The following LAMA3 variants were observed in gnomAD, a reference collection of about 807,000 sequenced individuals.
LAMA3 encodes laminin subunit alpha 3, also known as laminin subunit alpha-3.
In LAMA3, 281 loss-of-function variants were observed where a neutral mutation model predicts 402.0. That is an observed-to-expected ratio of 0.70 (90% CI 0.63 to 0.77). The LOEUF is 0.77. Among genes scored for constraint, LAMA3 ranks in the 30% least tolerant of loss-of-function variants. The probability of loss-of-function intolerance (pLI) is 0.00; values close to 1 mark genes in which losing one functional copy is unlikely to be tolerated. For synonymous variants in LAMA3, 1,431 were observed against 1,558.4 expected, an observed-to-expected ratio of 0.92 and a Z score of 1.93; for missense variants, 3,840 against 4,215.5, an observed-to-expected ratio of 0.91 and a Z score of 2.47.
At chr18:23,717,440 G>A (rs2061121156) in intron 2 of LAMA3, among the ~76,000 whole-genome samples, 1 of 150,966 alleles carries the variant, frequency 6.6e-6, no homozygotes, top group Non-Finnish European at 1.5e-5. Flanking sequence ...AGCTTATGCT[G>A]TTGTGAGGGT....
intron 48 of LAMA3, among the ~76,000 whole-genome samples, chr18:23,901,711 C>T (rs1250831289): frequency 2.6e-5 from 4 of 152,160 alleles, no homozygotes; most frequent in Non-Finnish European, 5.9e-5. Context: ...ACATAATTAT[C>T]ATAATCACCA....
chr18:23,766,275 A>G (rs535600677), intron 8 of LAMA3, among the ~76,000 whole-genome samples: 1 of 152,338 alleles, frequency 6.6e-6, no homozygotes, highest in Admixed American at 6.5e-5. Flanking sequence ...CAGAAGGAAT[A>G]GTATCTTTAA....
In LAMA3 at chr18:23,931,080, A is replaced by C; in HGVS notation, c.8455A>C (p.Thr2819Pro). 6.2e-7 allele frequency: 1 copy of C among 1,613,820 alleles called. No homozygotes were observed. The highest frequency in any genetic ancestry group is 8.5e-7 in the Non-Finnish European group (1 of 1,179,726). ...HQTWTRNLQV[T>P]LEDGYIELST... ...ATTTCAGACAAGGAACCTGCAGGTC[A>C]CTCTGGAAGATGGTTACATTGAATT... The change falls in exon 65 of 75, where the codon ACT becomes CCT. Residue 2819 changes from threonine (T) to proline (P), a missense_variant. By Grantham distance (38) the Thr-to-Pro change is conservative. This residue lies in a region of LAMA3 where 840 missense variants were observed against 981.9 expected (regional missense o/e 0.86). Coordinates refer to ENST00000313654, the MANE Select transcript of LAMA3 (RefSeq NM_198129.4).
chr18:23,903,075 T>A lies in LAMA3; in HGVS notation c.6268T>A (p.Ser2090Thr). The change falls in exon 49 of 75, where the codon TCT becomes ACT. Residue 2090 changes from serine to threonine, a missense_variant. Ser to Thr is a moderately conservative substitution (Grantham distance 58). Coordinates refer to ENST00000313654, the MANE Select transcript of LAMA3 (RefSeq NM_198129.4). ...CAAGTATCTAACCACTGCAGACTCATCTTTGTTGCAAACCAACATTGCGCT... is the reference window on the plus strand; with the variant it reads ...CAAGTATCTAACCACTGCAGACTCAACTTTGTTGCAAACCAACATTGCGCT... ...FTKYLTTADS[S>T]LLQTNIALQL... 6.2e-7 allele frequency: 1 copy of A among 1,613,478 alleles called. No individual in the cohort carries two copies.
At position 23,738,358 on chromosome 18, in the gene LAMA3, C is replaced by T. The variant is rs543266079; in HGVS notation, c.448-9585C>T. Among the ~76,000 whole-genome samples, 15 of 152,010 alleles carry T rather than the reference C, an allele frequency of 9.9e-5. No homozygotes were observed. In the South Asian group the frequency reaches 2.5e-3, roughly 25 times the overall value. ...GATTGGCTTTTGACAGGAGGAGGTT[C>T]CTCCCTCCCTCCTTCTGGAGAGAAG... is the stretch of plus-strand genomic sequence containing the variant. On this transcript the variant is annotated intron_variant, in intron 2 of 74. Coordinates refer to ENST00000313654, the MANE Select transcript of LAMA3 (RefSeq NM_198129.4).
intron 73 of LAMA3, 82 bp downstream of exon 73, chr18:23,951,859 C>T (rs2082926735): frequency 1.9e-6 from 2 of 1,072,618 alleles, no homozygotes; most frequent in Admixed American, 3.9e-5. Flanking sequence ...AAGGCAGCCT[C>T]AGCCCCTCCA....
intron 56 of LAMA3, among the ~76,000 whole-genome samples, chr18:23,913,861 G>T (rs754070607): frequency 6.6e-6 from 1 of 152,110 alleles, no homozygotes; most frequent in Non-Finnish European, 1.5e-5. Context: ...ATTTATTCTC[G>T]AATGTACTTA....
At chr18:23,813,205 C>G in intron 14 of LAMA3, 102 bp downstream of exon 14, 1 of 819,216 alleles carries the variant, frequency 1.2e-6, no homozygotes, top group South Asian at 1.5e-5. Context: ...AAATAAGACC[C>G]AAGGCTAAAT....
chr18:23,743,515 G>A (rs2061599004), intron 2 of LAMA3, among the ~76,000 whole-genome samples: 1 of 152,148 alleles, frequency 6.6e-6, no homozygotes, highest in Non-Finnish European at 1.5e-5. Context: ...GGAAGGCCCT[G>A]AAATGAATAG....
chr18:23,788,660 A>G (rs2062592964), intron 12 of LAMA3, among the ~76,000 whole-genome samples: 1 of 151,946 alleles, frequency 6.6e-6, no homozygotes, highest in Non-Finnish European at 1.5e-5. Context: ...AAAACTATAA[A>G]TCTCTTAGAA....
chr18:23,798,315 G>A (rs577234236), intron 12 of LAMA3, among the ~76,000 whole-genome samples: 91 of 152,296 alleles, frequency 6.0e-4, no homozygotes, highest in African/African-American at 2.2e-3. Context: ...CCACCGACAT[G>A]ACCTGACCCA....
At chr18:23,950,263 G>A in intron 72 of LAMA3, 104 bp downstream of exon 72, 1 of 1,293,746 alleles carries the variant, frequency 7.7e-7, no homozygotes, top group Non-Finnish European at 1.1e-6. Context: ...ATCCAATCTT[G>A]TATTTAAGAG....
At position 23,907,885 on chromosome 18, in the gene LAMA3, G is replaced by A. The variant is rs769942150; in HGVS notation, c.6965G>A (p.Arg2322Lys). ...GAAAGAATTAAGGACACCTATGGGA[G>A]GACACAGAACGAAGACTTCAAAAAG... ...DVERIKDTYG[R>K]TQNEDFKKAL... is the part of the protein sequence containing the mutation. The change falls in exon 54 of 75, where the codon AGG (arginine) becomes AAG (lysine). Residue 2322 changes from arginine (R) to lysine (K), a missense_variant. Coordinates refer to ENST00000313654, the MANE Select transcript of LAMA3 (RefSeq NM_198129.4). 2 of 1,614,112 alleles carry A rather than the reference G, an allele frequency of 1.2e-6. No individual in the cohort carries two copies. The highest frequency in any genetic ancestry group is 2.2e-5 in the South Asian group (2 of 91,072).
intron 21 of LAMA3, among the ~76,000 whole-genome samples, chr18:23,825,972 A>G (rs190660066): frequency 1.3e-5 from 2 of 152,200 alleles, no homozygotes; most frequent in Admixed American, 6.5e-5. Flanking sequence ...CTCAGCCACA[A>G]TCTCTTACTT....
At chr18:23,893,742 A>G (rs556937629) in intron 42 of LAMA3, among the ~76,000 whole-genome samples, 5 of 152,354 alleles carry the variant, frequency 3.3e-5, no homozygotes, top group Admixed American at 6.5e-5. Flanking sequence ...GTTAAGTCAC[A>G]GAGCAGCAGG....
chr18:23,868,218 GA>G (rs1168668143), intron 37 of LAMA3, among the ~76,000 whole-genome samples: 1 of 151,680 alleles, frequency 6.6e-6, no homozygotes, highest in East Asian at 1.9e-4. Flanking sequence ...TTCCAAAATA[GA>G]AAAAAAATTC....
chr18:23,930,690 C>T (rs1475240083), intron 64 of LAMA3, among the ~76,000 whole-genome samples: 1 of 151,960 alleles, frequency 6.6e-6, no homozygotes, highest in Admixed American at 6.6e-5. Context: ...TGCCACTGTA[C>T]TCTAGCCTAT....
chr18:23,951,966 C>A (rs781247300), intron 73 of LAMA3, among the ~76,000 whole-genome samples, 189 bp downstream of exon 73: 16 of 152,212 alleles, frequency 1.1e-4, no homozygotes, highest in Non-Finnish European at 2.4e-4. Context: ...CTCCAGTTCT[C>A]CAGAACTTAT....
In LAMA3 at chr18:23,904,053, CG is replaced by C; in HGVS notation, c.6441del (p.Ser2148ProfsTer60). 6.2e-7 allele frequency: 1 copy of C among 1,613,976 alleles called. No homozygotes were observed. The highest frequency in any genetic ancestry group is 8.5e-7 in the Non-Finnish European group (1 of 1,180,042). ...TGTGGAGGAGGCAGAAAAGCACGCG[CG>C]GTCCTTACAAGAGCTGGCAAAGCAG... is the stretch of plus-strand genomic sequence containing the variant. ...SLVEEAEKHA[R>X]SLQELAKQLE... On this transcript the variant is annotated frameshift_variant, in exon 50 of 75. Transcript: ENST00000313654. LOFTEE classifies it high-confidence loss of function.
Sources: allele counts gnomAD v4.1 joint callset (sites outside exome capture counted in the v4.1 genomes callset), GRCh38; gene constraint gnomAD v4.1.1; regional missense constraint gnomAD v4.1.1; transcripts MANE v1.5; gene names NCBI Gene and HGNC (gene_info 2026-07-23, HGNC 2026-07-21).